GLIS3: variants seen among roughly 807,000 people sequenced by gnomAD.
GLIS3 encodes the protein zinc finger protein GLIS3.
Under a neutral mutation model 78.6 loss-of-function variants are expected in GLIS3, and 53 were observed. The ratio of observed to expected loss-of-function variants is 0.67; its 90% confidence interval spans 0.54 to 0.85. GLIS3 has a LOEUF of 0.85. Ranked by LOEUF, GLIS3 falls within the 40% of genes least tolerant of loss-of-function variation. GLIS3 has a pLI of 0.00. For missense variants in GLIS3, 1,703 were observed against 1,231.1 expected, an observed-to-expected ratio of 1.38 and a Z score of -5.74; for synonymous variants, 684 against 509.9, an observed-to-expected ratio of 1.34 and a Z score of -4.60.
intron 4 of GLIS3, among the ~76,000 whole-genome samples, chr9:4,114,094 A>C (rs1402061791): frequency 6.6e-6 from 1 of 152,150 alleles, no homozygotes; most frequent in Non-Finnish European, 1.5e-5. Context: ...CGTGAAGGCA[A>C]GTCATCAGTG....
the GLIS3 span, among the ~76,000 whole-genome samples, chr9:4,408,787 CAG>C: frequency 7.0e-6 from 1 of 142,870 alleles, no homozygotes; most frequent in Non-Finnish European, 1.5e-5. Flanking sequence ...GATGTCATAA[CAG>C]GGGGATTATA....
At chr9:3,846,677 C>G (rs142183952) in intron 9 of GLIS3, among the ~76,000 whole-genome samples, 4 of 152,306 alleles carry the variant, frequency 2.6e-5, no homozygotes, top group African/African-American at 9.6e-5. Context: ...ACTGTGAATT[C>G]CTCACAATCC....
chr9:3,889,263 T>C (rs1183530952), intron 7 of GLIS3, among the ~76,000 whole-genome samples: 5 of 152,182 alleles, frequency 3.3e-5, no homozygotes, highest in Non-Finnish European at 7.4e-5. Flanking sequence ...CCAGGCTGCT[T>C]CTGCAGGTGT....
At chr9:4,353,607 G>A in the GLIS3 span, among the ~76,000 whole-genome samples, 4 of 152,036 alleles carry the variant, frequency 2.6e-5, no homozygotes, top group African/African-American at 4.8e-5. Context: ...ATCTCTCAGC[G>A]GGTCCAAAGT....
At chr9:4,433,619 A>G in the GLIS3 span, among the ~76,000 whole-genome samples, 1 of 152,204 alleles carries the variant, frequency 6.6e-6, no homozygotes, top group South Asian at 2.1e-4. Flanking sequence ...GAAACTATGA[A>G]GTCAGAAATA....
At chr9:4,303,664 C>G (rs891804081), upstream of GLIS3, among the ~76,000 whole-genome samples, 1 of 152,092 alleles carries the variant, frequency 6.6e-6, no homozygotes, top group Non-Finnish European at 1.5e-5. Flanking sequence ...ATGCAACTGA[C>G]CAAAATTTCA....
the GLIS3 span, among the ~76,000 whole-genome samples, chr9:4,443,314 G>A: frequency 6.6e-6 from 1 of 152,058 alleles, no homozygotes; most frequent in Admixed American, 6.6e-5. Context: ...AATTTTTTCT[G>A]TCCATGTCTG....
At chr9:3,954,668 A>T (rs1816964842) in intron 4 of GLIS3, among the ~76,000 whole-genome samples, 1 of 152,196 alleles carries the variant, frequency 6.6e-6, no homozygotes, top group African/African-American at 2.4e-5. Context: ...TAGCTCTCTC[A>T]GCTTTTTCCA....
At chr9:4,215,603 C>T (rs1200723956) in intron 2 of GLIS3, among the ~76,000 whole-genome samples, 3 of 152,196 alleles carry the variant, frequency 2.0e-5, no homozygotes, top group African/African-American at 7.2e-5. Flanking sequence ...AATGCTATCG[C>T]CTGGGTCTAT....
chr9:4,144,389 G>A (rs1425913953), intron 2 of GLIS3, among the ~76,000 whole-genome samples: 4 of 152,128 alleles, frequency 2.6e-5, no homozygotes, highest in African/African-American at 7.2e-5. Flanking sequence ...TGAAGAGAGG[G>A]CGAGGGAAAA....
chr9:4,155,978 T>G (rs1356640613), intron 2 of GLIS3, among the ~76,000 whole-genome samples: 6 of 152,196 alleles, frequency 3.9e-5, no homozygotes, highest in African/African-American at 1.4e-4. Context: ...ACATTAACAA[T>G]ATATTATTTG....
intron 4 of GLIS3, among the ~76,000 whole-genome samples, chr9:4,092,374 G>C (rs806039): frequency 0.69 from 104,973 of 151,680 alleles, 36,782 homozygotes; most frequent in African/African-American, 0.79. Context: ...GGATGGTCTC[G>C]ATCTCCTGAG....
intron 1 of GLIS3, chr9:4,347,230 C>G (rs915137755): frequency 6.6e-6 from 1 of 152,270 alleles, no homozygotes; most frequent in Non-Finnish European, 1.5e-5. Context: ...AAGTGTCAGA[C>G]TCTTCTTAAC....
At chr9:4,176,076 C>G (rs1337911097) in intron 2 of GLIS3, among the ~76,000 whole-genome samples, 3 of 152,146 alleles carry the variant, frequency 2.0e-5, no homozygotes, top group African/African-American at 7.2e-5. Context: ...CTCTTCTGTT[C>G]ACAGAACAAA....
intron 2 of GLIS3, among the ~76,000 whole-genome samples, chr9:4,222,932 T>C (rs757278040): frequency 4.2e-4 from 64 of 152,338 alleles, no homozygotes; most frequent in Non-Finnish European, 7.5e-4. Flanking sequence ...TATGCTCTGT[T>C]CTGCTTATCT....
the GLIS3 span, among the ~76,000 whole-genome samples, chr9:4,458,041 C>T: frequency 6.6e-6 from 1 of 152,040 alleles, no homozygotes; most frequent in African/African-American, 2.4e-5. Context: ...AAGGACTGAA[C>T]CACCAACCCA....
intron 4 of GLIS3, among the ~76,000 whole-genome samples, chr9:4,072,888 G>C (rs376532909): frequency 3.3e-5 from 5 of 152,072 alleles, no homozygotes; most frequent in African/African-American, 1.2e-4. Flanking sequence ...TATAGTTCAC[G>C]TACAGCCCCA....
chr9:4,271,256 A>G (rs529439692), intron 2 of GLIS3, among the ~76,000 whole-genome samples: 34 of 152,350 alleles, frequency 2.2e-4, no homozygotes, highest in African/African-American at 7.9e-4. Flanking sequence ...CACACAGTAT[A>G]CAATACATAC....
chr9:4,027,858 TA>T (rs1340786391), intron 4 of GLIS3, among the ~76,000 whole-genome samples: 3 of 152,282 alleles, frequency 2.0e-5, no homozygotes, highest in Middle Eastern at 3.4e-3. Context: ...ACGCTCCAGC[TA>T]ATAGGCCATC....
Sources: allele counts gnomAD v4.1 joint callset (sites outside exome capture counted in the v4.1 genomes callset), GRCh38; gene constraint gnomAD v4.1.1; transcripts MANE v1.5; gene names NCBI Gene and HGNC (gene_info 2026-07-23, HGNC 2026-07-21).